The following CACNA1C variants were observed in gnomAD, a reference collection of about 807,000 sequenced individuals.
CACNA1C encodes calcium voltage-gated channel subunit alpha1 C.
A neutral mutation model predicts 229.0 loss-of-function variants in CACNA1C; 30 were observed. That is an observed-to-expected ratio of 0.13 (90% CI 0.10 to 0.18). The LOEUF is 0.18. Among genes scored for constraint, CACNA1C ranks in the 10% least tolerant of loss-of-function variants. The pLI is 1.00. For synonymous variants in CACNA1C, 1,114 were observed against 1,132.5 expected, an observed-to-expected ratio of 0.98 and a Z score of 0.33; for missense variants, 1,658 against 2,845.0, an observed-to-expected ratio of 0.58 and a Z score of 9.49.
chr12:2,237,910 C>G (rs1244649467), intron 3 of CACNA1C, among the ~76,000 whole-genome samples: 1 of 152,226 alleles, frequency 6.6e-6, no homozygotes, highest in Admixed American at 6.5e-5. Context: ...CCTAGCTCCA[C>G]CTTTATTTAC....
chr12:2,525,665 G>A (rs1460754307), intron 9 of CACNA1C, among the ~76,000 whole-genome samples: 2 of 152,194 alleles, frequency 1.3e-5, no homozygotes, highest in East Asian at 3.9e-4. Flanking sequence ...TTGCCTGCAT[G>A]ATTAAATGCC....
chr12:2,341,000 G>A (rs111762737), intron 3 of CACNA1C, among the ~76,000 whole-genome samples: 2,381 of 152,144 alleles, frequency 0.016, 58 homozygotes, highest in African/African-American at 0.054. Flanking sequence ...GAAATACAGC[G>A]ATACGGCAGT....
In CACNA1C at chr12:2,281,878, T is replaced by TC. The variant is rs1343258182; in HGVS notation, c.477+161454dup. Among the ~76,000 whole-genome samples the TC allele has an allele frequency of 3.3e-5, 5 of 152,244 alleles. No homozygotes were observed. The South Asian group carries it at 8.3e-4, about 25-fold the overall frequency. On this transcript the variant is annotated intron_variant, in intron 3 of 46. Coordinates refer to ENST00000399655, the MANE Select transcript of CACNA1C (RefSeq NM_000719.7). The stretch of plus-strand genomic sequence containing the variant: ...TTATTTATAATTTTTTTTTTGCTTC[T>TC]CCCCCCATTCCTGTGAGAACTCTAA...
chr12:2,110,923 TCCCGAGAGGCCATACCTGTCTCA>T (rs2081405643), intron 1 of CACNA1C, among the ~76,000 whole-genome samples: 1 of 64,320 alleles, frequency 1.6e-5, no homozygotes, highest in Non-Finnish European at 3.6e-5. Flanking sequence ...AGGTGGTCAG[TCCCGAGAGGCCATACCTGTCTCA>T]CCCGAGAGGC....
chr12:2,422,607 C>T (rs1434030740), intron 3 of CACNA1C, among the ~76,000 whole-genome samples: 2 of 152,306 alleles, frequency 1.3e-5, no homozygotes, highest in East Asian at 3.9e-4. Flanking sequence ...CCTGTGTCCC[C>T]CACAAAATTA....
At chr12:2,524,278 G>A (rs1598866097) in intron 9 of CACNA1C, among the ~76,000 whole-genome samples, 2 of 152,286 alleles carry the variant, frequency 1.3e-5, no homozygotes, top group East Asian at 3.9e-4. Context: ...TCCCAACAGG[G>A]CACCCAGAAT....
intron 3 of CACNA1C, among the ~76,000 whole-genome samples, chr12:2,234,223 G>T (rs2066438342): frequency 6.6e-6 from 1 of 152,198 alleles, no homozygotes; most frequent in African/African-American, 2.4e-5. Flanking sequence ...GAAAACTCAT[G>T]CTGAGGCTGG....
At chr12:2,268,601 G>A (rs1053075429) in intron 3 of CACNA1C, among the ~76,000 whole-genome samples, 1 of 152,180 alleles carries the variant, frequency 6.6e-6, no homozygotes, top group South Asian at 2.1e-4. Context: ...AGTTGGACCT[G>A]TGGTGTCCTG....
intron 3 of CACNA1C, among the ~76,000 whole-genome samples, chr12:2,405,748 T>C (rs1179971931): frequency 6.6e-6 from 1 of 152,214 alleles, no homozygotes; most frequent in Non-Finnish European, 1.5e-5. Context: ...TCCACACACA[T>C]GAGAAATGCA....
Position 2,108,249 on chromosome 12 carries a change from C to G in CACNA1C, c.50-6975C>G, listed in dbSNP as rs2080037016. Among the ~76,000 whole-genome samples the G allele has an allele frequency of 6.6e-6, 1 of 152,194 alleles. No homozygotes were observed. On this transcript the variant is annotated intron_variant, in intron 1 of 46. Transcript: ENST00000399655. The surrounding 1 kb of genome is among the most constrained non-coding windows in gnomAD (Gnocchi z 5.3). ...GGGGCTTATACAATAATTGGAAATG[C>G]TGCAAGAGCAGGCTTTAGGCCGGGT...
chr12:2,636,665 G>C (rs2092752272), intron 30 of CACNA1C, among the ~76,000 whole-genome samples: 1 of 152,156 alleles, frequency 6.6e-6, no homozygotes, highest in Non-Finnish European at 1.5e-5. Flanking sequence ...CTCACTTCCT[G>C]CTAGGCCAGA....
intron 3 of CACNA1C, among the ~76,000 whole-genome samples, chr12:2,234,528 T>C (rs919647487): frequency 2.6e-5 from 4 of 152,198 alleles, no homozygotes; most frequent in Non-Finnish European, 5.9e-5. Flanking sequence ...GGCTCCTGTA[T>C]GCAGGCTCCT....
chr12:2,000,714 T>C (rs2041993739), intron 1 of CACNA1C, among the ~76,000 whole-genome samples: 2 of 152,158 alleles, frequency 1.3e-5, no homozygotes, highest in African/African-American at 2.4e-5. Flanking sequence ...AATTAGTTTA[T>C]TATTATATGT....
intron 9 of CACNA1C, among the ~76,000 whole-genome samples, chr12:2,518,661 C>T (rs1235230193): frequency 2.6e-5 from 4 of 151,996 alleles, no homozygotes; most frequent in African/African-American, 9.7e-5. Context: ...CTCTCGATAC[C>T]TACAACACAA....
At chr12:2,523,149 G>C (rs972034808) in intron 9 of CACNA1C, among the ~76,000 whole-genome samples, 2 of 141,516 alleles carry the variant, frequency 1.4e-5, no homozygotes, top group Non-Finnish European at 3.1e-5. Context: ...GCGGGAGGGC[G>C]GGGGCGGTGG....
intron 3 of CACNA1C, among the ~76,000 whole-genome samples, chr12:2,216,618 T>A (rs1240869059): frequency 6.6e-6 from 1 of 152,198 alleles, no homozygotes; most frequent in Non-Finnish European, 1.5e-5. Context: ...CTTACTCTTG[T>A]CTGTACAGTA....
intron 3 of CACNA1C, among the ~76,000 whole-genome samples, chr12:2,448,502 C>G (rs1014232629): frequency 1.3e-5 from 2 of 152,130 alleles, no homozygotes; most frequent in African/African-American, 4.8e-5. Context: ...TGGAGGAACT[C>G]GGCTAGTACC....
intron 3 of CACNA1C, among the ~76,000 whole-genome samples, chr12:2,371,830 T>C (rs1242902299): frequency 6.6e-6 from 1 of 150,854 alleles, no homozygotes; most frequent in Non-Finnish European, 1.5e-5. Flanking sequence ...TCCACATTTC[T>C]ACCTGGATGA....
At chr12:2,040,819 C>T (rs2049955616) in intron 1 of CACNA1C, among the ~76,000 whole-genome samples, 1 of 152,162 alleles carries the variant, frequency 6.6e-6, no homozygotes, top group Non-Finnish European at 1.5e-5. Context: ...CTTTTTCATA[C>T]TAACATTTCA....
Sources: gnomAD v4.1 joint callset for allele counts (sites outside exome capture counted in the v4.1 genomes callset) on GRCh38, gnomAD v4.1.1 for gene constraint, Gnocchi (gnomAD v3.1) non-coding constraint, MANE v1.5 for transcripts, NCBI Gene and HGNC (gene_info 2026-07-23, HGNC 2026-07-21) for gene names.